The following FBXL13 variants were observed in gnomAD, a reference collection of about 807,000 sequenced individuals.
The protein encoded by FBXL13 is F-box and leucine-rich repeat protein 13.
A neutral mutation model predicts 83.6 loss-of-function variants in FBXL13; 67 were observed. That is an observed-to-expected ratio of 0.80 (90% confidence interval 0.66 to 0.98). The LOEUF (loss-of-function observed/expected upper bound fraction) is 0.98, where lower values mean the gene tolerates loss of function less well. Ranked by LOEUF, FBXL13 falls within the 50% of genes least tolerant of loss-of-function variation. The probability of loss-of-function intolerance (pLI) is 0.00; values close to 1 mark genes in which losing one functional copy is unlikely to be tolerated. For synonymous variants in FBXL13, 272 were observed against 299.5 expected, an observed-to-expected ratio of 0.91 and a Z score of 0.95; for missense variants, 822 against 866.5, an observed-to-expected ratio of 0.95 and a Z score of 0.64.
At chr7:102,985,010 A>C (rs1828771408) in intron 6 of FBXL13, among the ~76,000 whole-genome samples, 1 of 151,918 alleles carries the variant, frequency 6.6e-6, no homozygotes, top group African/African-American at 2.4e-5. Flanking sequence ...AGTTCTGGCA[A>C]CCCTACCCTT....
chr7:102,888,267 A>G (rs971111785), intron 11 of FBXL13, among the ~76,000 whole-genome samples: 3 of 152,216 alleles, frequency 2.0e-5, no homozygotes, highest in Non-Finnish European at 4.4e-5. Flanking sequence ...GGCTGGGTGC[A>G]GTGGCTCACG....
chr7:103,069,177 C>T (rs1286502009), intron 1 of FBXL13, among the ~76,000 whole-genome samples: 3 of 148,238 alleles, frequency 2.0e-5, no homozygotes, highest in African/African-American at 7.5e-5. Context: ...GGAAGTAAGG[C>T]GCACCTCTCC....
At chr7:102,905,966 GAA>G (rs1224934651) in intron 11 of FBXL13, among the ~76,000 whole-genome samples, 1 of 152,152 alleles carries the variant, frequency 6.6e-6, no homozygotes, top group African/African-American at 2.4e-5. Context: ...AGACTGGGAA[GAA>G]AAAGAGGTTT....
intron 2 of FBXL13, chr7:103,030,060 T>C (rs1024504750): frequency 6.6e-6 from 1 of 152,186 alleles, no homozygotes; most frequent in African/African-American, 2.4e-5. Context: ...TAAGTGTTAA[T>C]GGTGTTTTCC....
At chr7:102,967,249 C>A (rs1826068075) in intron 7 of FBXL13, among the ~76,000 whole-genome samples, 1 of 138,244 alleles carries the variant, frequency 7.2e-6, no homozygotes, top group Non-Finnish European at 1.6e-5. Flanking sequence ...TGAGCTACTG[C>A]ACCCAGCCAA....
chr7:103,025,982 T>C (rs1793859785), intron 5 of FBXL13, among the ~76,000 whole-genome samples: 1 of 150,450 alleles, frequency 6.6e-6, no homozygotes, highest in African/African-American at 2.4e-5. Flanking sequence ...CACAATTAAC[T>C]ATATAATATA....
At chr7:102,842,392 C>T (rs1472811265) in intron 17 of FBXL13, among the ~76,000 whole-genome samples, 3 of 152,168 alleles carry the variant, frequency 2.0e-5, no homozygotes, top group East Asian at 3.8e-4. Flanking sequence ...ATGGAGCCAA[C>T]ACATCTAATC....
intron 6 of FBXL13, among the ~76,000 whole-genome samples, chr7:102,983,438 T>TTTTG: frequency 6.7e-6 from 1 of 150,194 alleles, no homozygotes. Flanking sequence ...TTTTTTTTTT[T>TTTTG]GAGTGGGGTC....
intron 8 of FBXL13, among the ~76,000 whole-genome samples, chr7:102,937,655 G>A (rs543729314): frequency 3.2e-4 from 49 of 152,110 alleles, no homozygotes; most frequent in African/African-American, 1.2e-3. Flanking sequence ...AAATTCAAAG[G>A]GAAGAGTCTT....
intron 8 of FBXL13, among the ~76,000 whole-genome samples, chr7:102,945,526 G>T (rs537949110): frequency 4.0e-4 from 61 of 151,708 alleles, no homozygotes; most frequent in Non-Finnish European, 6.5e-4. Flanking sequence ...TGAGGGAGGA[G>T]GTGGTGCCCA....
chr7:102,893,530 G>A (rs542292466), intron 11 of FBXL13, among the ~76,000 whole-genome samples: 2 of 152,296 alleles, frequency 1.3e-5, no homozygotes, highest in Admixed American at 1.3e-4. Context: ...ACTTTGGGAG[G>A]CCGAGACGGG....
intron 1 of FBXL13, among the ~76,000 whole-genome samples, chr7:103,072,660 C>G (rs1008613126): frequency 6.6e-6 from 1 of 152,194 alleles, no homozygotes; most frequent in Non-Finnish European, 1.5e-5. Context: ...AATGGCTGCA[C>G]CCTGAATTGT....
chr7:103,006,270 C>T (rs1409230179), intron 6 of FBXL13, among the ~76,000 whole-genome samples: 1 of 152,194 alleles, frequency 6.6e-6, no homozygotes, highest in Non-Finnish European at 1.5e-5. Flanking sequence ...TTGAGAAATA[C>T]ACATATGGAT....
chr7:102,860,241 C>A (rs1806609942), intron 16 of FBXL13, among the ~76,000 whole-genome samples: 1 of 152,254 alleles, frequency 6.6e-6, no homozygotes, highest in South Asian at 2.1e-4. Context: ...CCAACTCATT[C>A]TCTACAGAAA....
chr7:102,863,468 G>C (rs1419381365), intron 16 of FBXL13, among the ~76,000 whole-genome samples: 14 of 150,420 alleles, frequency 9.3e-5, no homozygotes, highest in Non-Finnish European at 1.8e-4. Context: ...TGTTTTTAAG[G>C]ATAAAACAGA....
chr7:102,920,905 G>C (rs981601407), intron 10 of FBXL13, among the ~76,000 whole-genome samples: 3 of 152,194 alleles, frequency 2.0e-5, no homozygotes, highest in African/African-American at 7.2e-5. Context: ...TGTAATCCCA[G>C]CACTTTGGGA....
chr7:103,042,360 G>T (rs1344776575), intron 2 of FBXL13, among the ~76,000 whole-genome samples: 1 of 152,146 alleles, frequency 6.6e-6, no homozygotes, highest in East Asian at 1.9e-4. Context: ...CATGCTCATG[G>T]ATAGGAAGAA....
intron 2 of FBXL13, among the ~76,000 whole-genome samples, chr7:103,033,358 C>T (rs1794719788): frequency 6.6e-6 from 1 of 152,144 alleles, no homozygotes; most frequent in African/African-American, 2.4e-5. Flanking sequence ...TTGTGCAATA[C>T]AAAGTGAAGG....
chr7:103,015,327 T>C (rs1792158360), intron 6 of FBXL13, among the ~76,000 whole-genome samples: 1 of 152,054 alleles, frequency 6.6e-6, no homozygotes, highest in African/African-American at 2.4e-5. Flanking sequence ...AACACAGTAC[T>C]GAAAGTCCTA....
Sources: allele counts gnomAD v4.1 joint callset (sites outside exome capture counted in the v4.1 genomes callset), GRCh38; gene constraint gnomAD v4.1.1; transcripts MANE v1.5; gene names NCBI Gene and HGNC (gene_info 2026-07-23, HGNC 2026-07-21).